Variants in PCDHGB2 observed in about 807,000 individuals in gnomAD.
PCDHGB2 encodes the protein protocadherin gamma-B2.
A neutral mutation model predicts 59.3 loss-of-function variants in PCDHGB2; 55 were observed. The observed-to-expected ratio is 0.93, with a 90% CI of 0.75 to 1.16. The LOEUF is 1.16. PCDHGB2 is among the 50% of genes most tolerant of loss of function. The pLI, the probability that PCDHGB2 is intolerant of heterozygous loss-of-function variation, is 0.00. For synonymous variants in PCDHGB2, 516 were observed against 512.0 expected (o/e 1.01, Z -0.11); for missense variants, 1,228 against 1,198.5 (o/e 1.02, Z -0.36).
intron 1 of PCDHGB2, chr5:141,409,419 CAGAT>C (rs1303289792): frequency 3.1e-6 from 5 of 1,614,028 alleles, no homozygotes; most frequent in Non-Finnish European, 3.4e-6. Context: ...AAACTGGTGA[CAGAT>C]GGAGCCCTGG....
intron 1 of PCDHGB2, chr5:141,421,009 T>G (rs948913987): frequency 1.9e-6 from 1 of 515,496 alleles, no homozygotes. Context: ...AATCAGGGAA[T>G]GGGAAGCTGC....
chr5:141,442,930 T>C (rs77210959), intron 1 of PCDHGB2, among the ~76,000 whole-genome samples: 6,420 of 152,302 alleles, frequency 0.042, 216 homozygotes, highest in African/African-American at 0.092. Flanking sequence ...TCATTTTCTA[T>C]TTAAGAAACT....
intron 1 of PCDHGB2, among the ~76,000 whole-genome samples, chr5:141,479,996 G>A (rs759188600): frequency 7.2e-5 from 11 of 152,244 alleles, no homozygotes; most frequent in Middle Eastern, 3.2e-3. Context: ...CTAGGAGTCT[G>A]TGGCCAAGTT....
chr5:141,432,659 G>A lies in PCDHGB2; in HGVS notation c.2422-62148G>A. On this transcript the variant is annotated intron_variant, in intron 1 of 3. Coordinates refer to ENST00000522605, the MANE Select transcript of PCDHGB2 (RefSeq NM_018923.3). This position sits in a 1 kb window ranked among gnomAD's most constrained non-coding sequence, Gnocchi z 6.0. ...GGTGCGCACGGCGCGAGCCCTGCTG[G>A]ACAGAGACGCGCTCAAGCAGAGCCT... 1 of 1,613,884 alleles carries A rather than the reference G, an allele frequency of 6.2e-7. No homozygotes were observed. The highest frequency in any genetic ancestry group is 8.5e-7 in the Non-Finnish European group (1 of 1,179,956).
intron 1 of PCDHGB2, among the ~76,000 whole-genome samples, chr5:141,445,720 G>T (rs2098475440): frequency 6.6e-6 from 1 of 152,158 alleles, no homozygotes; most frequent in Non-Finnish European, 1.5e-5. Flanking sequence ...AGAGGAAATA[G>T]CATGTGTAAA....
At chr5:141,435,004 A>G (rs1481428383) in intron 1 of PCDHGB2, among the ~76,000 whole-genome samples, 1 of 152,096 alleles carries the variant, frequency 6.6e-6, no homozygotes, top group Non-Finnish European at 1.5e-5. Flanking sequence ...AGCTGAATTT[A>G]TCAATGATAA....
At chr5:141,365,434 G>A (rs770375441) in intron 1 of PCDHGB2, 6 of 1,613,902 alleles carry the variant, frequency 3.7e-6, no homozygotes, top group Non-Finnish European at 5.1e-6. Context: ...TAATCGCGCT[G>A]TTTAGCGTAC....
chr5:141,376,254 T>C (rs745835885), intron 1 of PCDHGB2: 3 of 1,614,098 alleles, frequency 1.9e-6, no homozygotes, highest in Non-Finnish European at 2.5e-6. Context: ...AAGTCACGCC[T>C]GCTGCAGGCT....
intron 1 of PCDHGB2, chr5:141,372,236 C>G (rs777727544): frequency 1.2e-6 from 2 of 1,613,204 alleles, no homozygotes; most frequent in East Asian, 4.5e-5. Flanking sequence ...CCAGCGAGCC[C>G]GGGCTGTTCA....
rs977174958 is a variant in PCDHGB2, at chr5:141,394,524, G to C, written c.2421+31968G>C. 3.7e-6 allele frequency: 6 copies of C among 1,614,096 alleles called. No homozygotes were observed. The African/African-American group carries it at 6.7e-5, about 18-fold the overall frequency. ...CCTGTACCCCGCCCTCCCCACAGAC[G>C]GTTCCACTGGCGTGGAGCTGGCGCC... On this transcript the variant is annotated intron_variant, in intron 1 of 3. Coordinates refer to ENST00000522605, the MANE Select transcript of PCDHGB2 (RefSeq NM_018923.3).
chr5:141,407,981 C>G, intron 1 of PCDHGB2: 4 of 770,010 alleles, frequency 5.2e-6, no homozygotes, highest in Non-Finnish European at 7.8e-6. Flanking sequence ...GCCGGGGATC[C>G]GTCAGCCTCT....
intron 1 of PCDHGB2, chr5:141,478,044 C>A (rs1302168166): frequency 1.9e-6 from 3 of 1,614,184 alleles, no homozygotes; most frequent in South Asian, 1.1e-5. Flanking sequence ...CCCAGGCAGA[C>A]TCTCACGGTC....
intron 1 of PCDHGB2, chr5:141,395,121 T>G (rs773964445): frequency 1.2e-6 from 2 of 1,614,192 alleles, no homozygotes; most frequent in Admixed American, 3.3e-5. Context: ...TCACCTGATC[T>G]TTCCCCAGCC....
intron 1 of PCDHGB2, chr5:141,422,844 G>A: frequency 6.2e-7 from 1 of 1,614,238 alleles, no homozygotes; most frequent in Non-Finnish European, 8.5e-7. Context: ...GTGACAGCGG[G>A]GACCCGCCCC....
At chr5:141,372,484 C>T (rs1161994695) in intron 1 of PCDHGB2, 1 of 1,614,060 alleles carries the variant, frequency 6.2e-7, no homozygotes, top group Non-Finnish European at 8.5e-7. Context: ...GTGGCGTTGG[C>T]CTTGATCTCA....
intron 1 of PCDHGB2, chr5:141,391,629 T>C (rs1048656119): frequency 6.6e-6 from 1 of 152,234 alleles, no homozygotes; most frequent in African/African-American, 2.4e-5. Flanking sequence ...AAGAAAGTTT[T>C]AGTCAGTGAA....
At position 141,372,291 on chromosome 5, in the gene PCDHGB2, G is replaced by C. The variant is rs1370699746; in HGVS notation, c.2421+9735G>C. 2.5e-6 allele frequency: 4 copies of C among 1,613,302 alleles called. No individual in the cohort carries two copies. In the Admixed American group the frequency reaches 6.7e-5, roughly 27 times the overall value. On this transcript the variant is annotated intron_variant, in intron 1 of 3. Transcript: ENST00000522605. ...TGAGGTGCGCACGGCGCGTACCTTG[G>C]GCGACAGGGAGGCCGCCCGCCAGCG...
Position 141,361,394 on chromosome 5 carries a change from T to A in PCDHGB2, c.1259T>A (p.Leu420His). The A allele has an allele frequency of 1.2e-6, 2 of 1,613,952 alleles. No homozygotes were observed. Among genetic ancestry groups the A allele is most frequent in the Non-Finnish European group, 1.7e-6 (2 of 1,179,892 alleles). The change falls in exon 1 of 4, where the codon CTC (leucine) becomes CAC (histidine). Residue 420 changes from leucine to histidine, a missense_variant. Coordinates refer to ENST00000522605, the MANE Select transcript of PCDHGB2 (RefSeq NM_018923.3). ...CGGGAGGAGATCCCAGAATACAATC[T>A]CACCATCACAGCCACCGACGGGGGC... ...LDREEIPEYN[L>H]TITATDGGKP... is the part of the protein sequence containing the mutation.
rs755169934 is a variant in PCDHGB2 at position 141,384,350 on chromosome 5, A to T, written c.2421+21794A>T. On this transcript the variant is annotated intron_variant, in intron 1 of 3. Coordinates refer to ENST00000522605, the MANE Select transcript of PCDHGB2 (RefSeq NM_018923.3). Reference sequence around the variant, plus strand: ...GCACAGGACCACGACAGTGAGGATAATGCCCAGATCACTTATTCCTTGGCC... The same window carrying T: ...GCACAGGACCACGACAGTGAGGATATTGCCCAGATCACTTATTCCTTGGCC... The T allele has an allele frequency of 1.9e-6, 3 of 1,613,690 alleles. No homozygotes were observed. In the African/African-American group the frequency reaches 4.0e-5, roughly 22 times the overall value.
Sources: gnomAD v4.1 joint callset for allele counts (sites outside exome capture counted in the v4.1 genomes callset) on GRCh38, gnomAD v4.1.1 for gene constraint, Gnocchi (gnomAD v3.1) non-coding constraint, MANE v1.5 for transcripts, NCBI Gene and HGNC (gene_info 2026-07-23, HGNC 2026-07-21) for gene names.